Variants in LY9 observed in about 807,000 individuals in gnomAD.
LY9 encodes the protein lymphocyte antigen 9.
LY9 carries 59 observed loss-of-function variants against 64.6 expected under a neutral mutation model. The observed-to-expected ratio is 0.91, with a 90% CI of 0.74 to 1.13. The LOEUF (loss-of-function observed/expected upper bound fraction) is 1.13, where lower values mean the gene tolerates loss of function less well. Ranked by LOEUF, LY9 falls within the 50% of genes most tolerant of loss-of-function variation. LY9 has a pLI of 0.00. For synonymous variants in LY9, 281 were observed against 308.5 expected (o/e 0.91, Z 0.93); for missense variants, 789 against 797.2 (o/e 0.99, Z 0.12).
chr1:160,799,852 T>C lies in LY9; in HGVS notation c.224T>C (p.Ile75Thr), dbSNP rs762580555. 10 of 1,613,988 alleles carry C rather than the reference T, an allele frequency of 6.2e-6. No individual in the cohort carries two copies. Among genetic ancestry groups the C allele is most frequent in the Non-Finnish European group, 6.8e-6 (8 of 1,179,976 alleles). ...CTAAACATCTCAGTAGACACAGAGA[T>C]TGAGAACGTCATCTGGATTGGTCCC... ...LPLNISVDTE[I>T]ENVIWIGPKN... The change falls in exon 2 of 10, where the codon ATT (isoleucine) becomes ACT (threonine). Residue 75 changes from isoleucine to threonine, a missense_variant. Coordinates refer to ENST00000263285, the MANE Select transcript of LY9 (RefSeq NM_002348.4).
At chr1:160,809,555 T>C (rs1303336734) in intron 2 of LY9, among the ~76,000 whole-genome samples, 1 of 152,046 alleles carries the variant, frequency 6.6e-6, no homozygotes, top group Non-Finnish European at 1.5e-5. Flanking sequence ...AGAGACTGGT[T>C]CTCACTATGT....
chr1:160,819,081 C>G (rs1668175768), intron 6 of LY9, among the ~76,000 whole-genome samples: 1 of 152,148 alleles, frequency 6.6e-6, no homozygotes, highest in African/African-American at 2.4e-5. Context: ...CAGAGGAGCT[C>G]TCTCTTCTGG....
At chr1:160,813,462 T>C in intron 2 of LY9, 174 bp from the exon 3 acceptor site, 1 of 614,498 alleles carries the variant, frequency 1.6e-6, no homozygotes, top group Non-Finnish European at 2.9e-6. Flanking sequence ...GCGGATGTTA[T>C]GGGAGTACAG....
intron 7 of LY9, among the ~76,000 whole-genome samples, chr1:160,820,140 G>C (rs1668298850): frequency 6.6e-6 from 1 of 152,152 alleles, no homozygotes; most frequent in Admixed American, 6.5e-5. Context: ...TCTGAGAACA[G>C]AGAAACAAAG....
rs529324462 is a variant in LY9 at position 160,824,105 on chromosome 1, C to G, written c.1831-76C>G. ...GATGGGAAGCCAGGGGGTATCCCCT[C>G]TCCTCAAGGGTTGAGGGTAAAACTG... On this transcript the variant is annotated intron_variant, in intron 8 of 9. Coordinates refer to ENST00000263285, the MANE Select transcript of LY9 (RefSeq NM_002348.4). 1.1e-5 allele frequency: 17 copies of G among 1,570,272 alleles called. No individual in the cohort carries two copies. The South Asian group carries it at 1.7e-4, about 16-fold the overall frequency.
At position 160,808,442 on chromosome 1, in the gene LY9, A is replaced by C. The variant is rs61801923; in HGVS notation, c.455-5194A>C. On this transcript the variant is annotated intron_variant, in intron 2 of 9. Coordinates refer to ENST00000263285, the MANE Select transcript of LY9 (RefSeq NM_002348.4). ...TCTCAGAAAGAGTATGGAACCCAGC[A>C]GGAGCTCCCTCCCTGGAGCAGTTCC... Among the ~76,000 whole-genome samples the C allele has an allele frequency of 3.8e-3, 575 of 152,314 alleles. 2 individuals carry two copies. Among genetic ancestry groups the C allele is most frequent in the Non-Finnish European group, 6.0e-3 (405 of 68,012 alleles).
chr1:160,802,033 C>T (rs969298084), intron 2 of LY9: 1 of 1,453,910 alleles, frequency 6.9e-7, no homozygotes, highest in Non-Finnish European at 9.0e-7. Flanking sequence ...CCACTGCCCC[C>T]CGAGGCTGCT....
At chr1:160,805,318 G>T (rs1261606828) in intron 2 of LY9, among the ~76,000 whole-genome samples, 1 of 151,130 alleles carries the variant, frequency 6.6e-6, no homozygotes, top group Admixed American at 6.6e-5. Context: ...TTTGTTTCAA[G>T]AACTTTTTTT....
intron 2 of LY9, among the ~76,000 whole-genome samples, chr1:160,800,556 G>C (rs939311694): frequency 2.0e-5 from 3 of 151,982 alleles, no homozygotes; most frequent in African/African-American, 7.3e-5. Context: ...TTTTTAAATT[G>C]TTTAAATATA....
chr1:160,809,025 T>C (rs1667232672), intron 2 of LY9, among the ~76,000 whole-genome samples: 1 of 152,122 alleles, frequency 6.6e-6, no homozygotes, highest in African/African-American at 2.4e-5. Context: ...AAATATTGTT[T>C]CTGCTTATAG....
intron 9 of LY9, chr1:160,824,601 C>T (rs893814118): frequency 4.1e-6 from 4 of 983,242 alleles, no homozygotes; most frequent in Non-Finnish European, 4.8e-6. Context: ...TTCTCAAAAC[C>T]ATTGAAAATT....
rs775873508 is a variant in LY9 at position 160,814,479 on chromosome 1, C to T, written c.790C>T (p.Pro264Ser). The T allele has an allele frequency of 2.5e-6, 4 of 1,613,886 alleles. No homozygotes were observed. In the African/African-American group the frequency reaches 4.0e-5, roughly 16 times the overall value. The change falls in exon 4 of 10, where the codon CCA becomes TCA. Residue 264 changes from proline (P) to serine (S), a missense_variant. By Grantham distance (74) the Pro-to-Ser change is moderately conservative. Coordinates refer to ENST00000263285, the MANE Select transcript of LY9 (RefSeq NM_002348.4). ...GETVVGVLGE[P>S]VTLPLALPAC... ...GACTGTGGTAGGGGTCCTGGGAGAG[C>T]CAGTCACCCTGCCACTTGCACTCCC... is the stretch of plus-strand genomic sequence containing the variant.
At position 160,813,821 on chromosome 1, in the gene LY9, T is replaced by C. The variant is rs770845425; in HGVS notation, c.640T>C (p.Cys214Arg). ...GSILTVSRTP[C>R]DPDLPYICTA... is the part of the protein sequence containing the mutation. ...CATTCTTACCGTCTCCCGAACACCATGTGACCCAGACCTGCCATACATCTG... is the reference window on the plus strand; with the variant it reads ...CATTCTTACCGTCTCCCGAACACCACGTGACCCAGACCTGCCATACATCTG... Residue 214 changes from cysteine to arginine, a missense_variant, in exon 3 of 10, where the codon TGT (cysteine) becomes CGT (arginine). Transcript: ENST00000263285. 16 of 1,614,124 alleles carry C rather than the reference T, an allele frequency of 9.9e-6. No individual in the cohort carries two copies. Among genetic ancestry groups the C allele is most frequent in the Middle Eastern group, 1.6e-4 (1 of 6,062 alleles).
intron 1 of LY9, among the ~76,000 whole-genome samples, chr1:160,798,383 C>T (rs576088950): frequency 6.6e-6 from 1 of 152,050 alleles, no homozygotes; most frequent in Non-Finnish European, 1.5e-5. Context: ...ATTTCAGCTC[C>T]TCATCTGTAA....
At position 160,824,193 on chromosome 1, in the gene LY9, G is replaced by A. The variant is rs200605047; in HGVS notation, c.1843G>A (p.Val615Ile). The change falls in exon 9 of 10, where the codon GTT becomes ATT. Residue 615 changes from valine to isoleucine, a missense_variant. Coordinates refer to ENST00000263285, the MANE Select transcript of LY9 (RefSeq NM_002348.4). ...TGGTGTGTTACAGGGAAAGACCCCA[G>A]TTTCTCAGAAGGAAGAGAGCTCAGC... ...QVFNLQGKTPVSQKEESSATI... is the reference protein window; with the variant it reads ...QVFNLQGKTPISQKEESSATI... The A allele has an allele frequency of 3.7e-6, 6 of 1,614,188 alleles. No homozygotes were observed. The highest frequency in any genetic ancestry group is 5.1e-6 in the Non-Finnish European group (6 of 1,180,034).
intron 7 of LY9, among the ~76,000 whole-genome samples, chr1:160,821,433 G>A (rs889558213): frequency 3.9e-5 from 6 of 152,124 alleles, no homozygotes; most frequent in Non-Finnish European, 7.4e-5. Flanking sequence ...CAATATTAAT[G>A]TTTGTAGATT....
At chr1:160,823,844 G>A (rs755935162) in intron 8 of LY9, 48 bp downstream of exon 8, 46 of 1,442,634 alleles carry the variant, frequency 3.2e-5, no homozygotes, top group Admixed American at 1.0e-4. Context: ...CATGTCTAGC[G>A]GCATCTGAGA....
chr1:160,803,311 T>A (rs1462453932), intron 2 of LY9, among the ~76,000 whole-genome samples: 1 of 152,124 alleles, frequency 6.6e-6, no homozygotes, highest in Non-Finnish European at 1.5e-5. Flanking sequence ...TAAAAAGTAT[T>A]GTTTTTCTAA....
rs1266221993 is a variant in LY9, at chr1:160,823,602, G to A, written c.1636G>A (p.Asp546Asn). The A allele has an allele frequency of 1.2e-6, 2 of 1,614,184 alleles. No individual in the cohort carries two copies. Among genetic ancestry groups the A allele is most frequent in the Admixed American group, 3.3e-5 (2 of 60,028 alleles). The change falls in exon 8 of 10, where the codon GAT (aspartate) becomes AAT (asparagine). Residue 546 changes from aspartate to asparagine, a missense_variant. Physicochemically the swap from Asp to Asn is conservative, Grantham distance 23. Transcript: ENST00000263285. The stretch of plus-strand genomic sequence containing the variant: ...TGACAGCAACCTCACAACTGAGGAG[G>A]ATGAGGACAGGCCTGAGGTGCACAA... The part of the protein sequence containing the change: ...SSDSNLTTEE[D>N]EDRPEVHKPI...
Sources: allele counts gnomAD v4.1 joint callset (sites outside exome capture counted in the v4.1 genomes callset), GRCh38; gene constraint gnomAD v4.1.1; transcripts MANE v1.5; gene names NCBI Gene and HGNC (gene_info 2026-07-23, HGNC 2026-07-21).